Variants in CUEDC1 observed in about 807,000 individuals in gnomAD.
CUEDC1 encodes CUE domain containing 1, also known as CUE domain-containing protein 1.
CUEDC1 carries 30 observed loss-of-function variants against 43.7 expected under a neutral mutation model. That is an observed-to-expected ratio of 0.69 (90% CI 0.51 to 0.93). The LOEUF (loss-of-function observed/expected upper bound fraction) is 0.93. Ranked by LOEUF, CUEDC1 falls within the 40% of genes least tolerant of loss-of-function variation. The pLI, the probability that CUEDC1 is intolerant of heterozygous loss-of-function variation, is 0.00. For missense variants in CUEDC1, 486 were observed against 549.0 expected, an observed-to-expected ratio of 0.89 and a Z score of 1.15; for synonymous variants, 223 against 223.6, an observed-to-expected ratio of 1.00 and a Z score of 0.02.
intron 1 of CUEDC1, among the ~76,000 whole-genome samples, chr17:57,887,502 T>TG (rs1291599643): frequency 3.3e-5 from 5 of 149,446 alleles, no homozygotes; most frequent in Admixed American, 6.7e-5. Context: ...ATACAGAAAT[T>TG]TTTTTTTTTT....
At chr17:57,902,927 TCAGGATTCTACCC>T (rs1280664975) in intron 1 of CUEDC1, 2 of 152,130 alleles carry the variant, frequency 1.3e-5, no homozygotes, top group Admixed American at 6.5e-5. Flanking sequence ...AGTAACCAGG[TCAGGATTCTACCC>T]CAGAGCCCAC....
chr17:57,951,715 T>G (rs906375083), intron 1 of CUEDC1, among the ~76,000 whole-genome samples: 4 of 152,128 alleles, frequency 2.6e-5, no homozygotes, highest in Non-Finnish European at 5.9e-5. Flanking sequence ...CGCCTCAGCC[T>G]CCCAAAGTGC....
chr17:57,916,657 C>T (rs1171544710), intron 1 of CUEDC1, among the ~76,000 whole-genome samples: 1 of 151,556 alleles, frequency 6.6e-6, no homozygotes, highest in Non-Finnish European at 1.5e-5. Context: ...ACACTGGGAG[C>T]CCTTTCAGGC....
In CUEDC1 at chr17:57,954,658, G is replaced by C. The variant is rs2075038897; in HGVS notation, c.-316+567C>G. Among the ~76,000 whole-genome samples the C allele has an allele frequency of 6.6e-6, 1 of 152,076 alleles. No homozygotes were observed. Among genetic ancestry groups the C allele is most frequent in the Admixed American group, 6.5e-5 (1 of 15,278 alleles). The stretch of plus-strand genomic sequence containing the variant: ...CGGGAGATACAGCTCCCAGGGGACC[G>C]GGAGGGACCAAAAAAGGCTGAGCCG... On this transcript the variant is annotated intron_variant, in intron 1 of 10. Coordinates refer to ENST00000577830, the MANE Select transcript of CUEDC1 (RefSeq NM_001271875.2). This position sits in a 1 kb window ranked among gnomAD's most constrained non-coding sequence, Gnocchi z 4.3.
In CUEDC1 at chr17:57,930,046, A is replaced by G. The variant is rs1598016653; in HGVS notation, c.-316+25179T>C. 6.6e-6 allele frequency among the ~76,000 whole-genome samples: 1 copy of G among 152,004 alleles called. No individual in the cohort carries two copies. Among genetic ancestry groups the G allele is most frequent in the South Asian group, 2.1e-4 (1 of 4,814 alleles). On this transcript the variant is annotated intron_variant, in intron 1 of 10. Transcript: ENST00000577830. The surrounding 1 kb of genome is among the most constrained non-coding windows in gnomAD (Gnocchi z 4.2). ...TCGAACTCCTGCCCTCAGGTGATCCACCCGCCTCGGCCTCCCAAAGTGCTG... is the reference window on the plus strand; with the variant it reads ...TCGAACTCCTGCCCTCAGGTGATCCGCCCGCCTCGGCCTCCCAAAGTGCTG...
intron 1 of CUEDC1, among the ~76,000 whole-genome samples, chr17:57,925,961 G>C (rs2074743298): frequency 1.3e-5 from 2 of 152,192 alleles, no homozygotes; most frequent in Non-Finnish European, 2.9e-5. Context: ...GGGGCTGCAG[G>C]CCTGATGGCT....
chr17:57,863,191 T>TGAAG lies in CUEDC1; in HGVS notation c.*97_*98insCTTC, dbSNP rs1279324342. Reference sequence around the variant, plus strand: ...CCTCGGTTCTCAAGCACCATCTGTCTGGCTGCAGCTGGGCCCTTCAGCTGG... The same window carrying TGAAG: ...CCTCGGTTCTCAAGCACCATCTGTCTGAAGGGCTGCAGCTGGGCCCTTCAGCTGG... On this transcript the variant is annotated 3_prime_UTR_variant, in exon 11 of 11. Coordinates refer to ENST00000577830, the MANE Select transcript of CUEDC1 (RefSeq NM_001271875.2). 6.5e-6 allele frequency: 1 copy of TGAAG among 152,692 alleles called. No individual in the cohort carries two copies. The highest frequency in any genetic ancestry group is 6.5e-5 in the Admixed American group (1 of 15,278). 9.5% of individuals were successfully genotyped at this position (152,692 alleles called of 1,614,324 possible).
At chr17:57,881,847 C>T (rs2074209544) in intron 2 of CUEDC1, among the ~76,000 whole-genome samples, 1 of 152,186 alleles carries the variant, frequency 6.6e-6, no homozygotes, top group Non-Finnish European at 1.5e-5. Context: ...TCATCAGAGC[C>T]TCCTGGAGAG....
chr17:57,939,087 C>T (rs1054837047), intron 1 of CUEDC1, among the ~76,000 whole-genome samples: 7 of 151,612 alleles, frequency 4.6e-5, no homozygotes, highest in Admixed American at 3.3e-4. Flanking sequence ...CCTGCCTCAG[C>T]CTCCAGAGTA....
chr17:57,868,890 T>C (rs2073998120), intron 7 of CUEDC1, among the ~76,000 whole-genome samples: 1 of 152,210 alleles, frequency 6.6e-6, no homozygotes, highest in Non-Finnish European at 1.5e-5. Context: ...TGGCACGTTA[T>C]TTTTCTGCAG....
Position 57,862,763 on chromosome 17 carries a change from A to C in CUEDC1, c.*526T>G, listed in dbSNP as rs944193988. 2 of 152,734 alleles carry C rather than the reference A, an allele frequency of 1.3e-5. No individual in the cohort carries two copies. Among genetic ancestry groups the C allele is most frequent in the Non-Finnish European group, 2.9e-5 (2 of 68,468 alleles). The allele number at this position is 152,734 out of a possible 1,614,324, so 9.5% of individuals were successfully genotyped here. A position where few individuals can be genotyped will look rare whatever the true frequency, so the allele number is the denominator to read the frequency against. On this transcript the variant is annotated 3_prime_UTR_variant, in exon 11 of 11. Coordinates refer to ENST00000577830, the MANE Select transcript of CUEDC1 (RefSeq NM_001271875.2). Reference sequence around the variant, plus strand: ...GGGGAAGGCTGAGATACAGGAGGACATGGAAGGGAAGGGCACAAGTGCCCG... The same window carrying C: ...GGGGAAGGCTGAGATACAGGAGGACCTGGAAGGGAAGGGCACAAGTGCCCG...
At chr17:57,880,136 T>C (rs1202694514) in intron 2 of CUEDC1, among the ~76,000 whole-genome samples, 1 of 152,186 alleles carries the variant, frequency 6.6e-6, no homozygotes, top group African/African-American at 2.4e-5. Context: ...ATGATGGTTA[T>C]TGAGCTGGTG....
At chr17:57,925,252 G>C (rs76726562) in intron 1 of CUEDC1, among the ~76,000 whole-genome samples, 1 of 152,046 alleles carries the variant, frequency 6.6e-6, no homozygotes, top group East Asian at 1.9e-4. Context: ...AAACTACCCA[G>C]GGGGCAAGGG....
chr17:57,903,413 G>A (rs1597997755), intron 1 of CUEDC1: 1 of 152,406 alleles, frequency 6.6e-6, no homozygotes, highest in Non-Finnish European at 1.5e-5. Flanking sequence ...ATGCAGGGCT[G>A]AGCTTGAGTC....
chr17:57,894,276 G>A (rs570511698), intron 1 of CUEDC1, among the ~76,000 whole-genome samples: 5 of 152,358 alleles, frequency 3.3e-5, no homozygotes, highest in African/African-American at 9.6e-5. Context: ...TCCATGAGCT[G>A]TGCAGGCTGG....
chr17:57,950,163 G>A lies in CUEDC1; in HGVS notation c.-316+5062C>T, dbSNP rs560712669. Among the ~76,000 whole-genome samples, 18 of 151,912 alleles carry A rather than the reference G, an allele frequency of 1.2e-4. No individual in the cohort carries two copies. In the South Asian group the frequency reaches 3.7e-3, roughly 32 times the overall value. On this transcript the variant is annotated intron_variant, in intron 1 of 10. Transcript: ENST00000577830. ...GGCCCCCACAGCTTCCACTCTTTTC[G>A]TTTTTGAGACAGAGTCTCACTCTGT...
chr17:57,944,501 C>T (rs11658198), intron 1 of CUEDC1, among the ~76,000 whole-genome samples: 20,583 of 152,230 alleles, frequency 0.14, 1,646 homozygotes, highest in Non-Finnish European at 0.18. Context: ...TGAGCCACTG[C>T]GCCTGGCCAT....
chr17:57,904,195 G>A (rs1040167705), intron 1 of CUEDC1, among the ~76,000 whole-genome samples: 49 of 152,068 alleles, frequency 3.2e-4, no homozygotes, highest in Non-Finnish European at 4.9e-4. Context: ...CCAAAAGATG[G>A]CATCTCTCCT....
In CUEDC1 at chr17:57,948,343, T is replaced by A. The variant is rs572741180; in HGVS notation, c.-316+6882A>T. 1.8e-4 allele frequency among the ~76,000 whole-genome samples: 28 copies of A among 152,104 alleles called. No individual in the cohort carries two copies. In the East Asian group the frequency reaches 5.2e-3, roughly 28 times the overall value. ...CTCTCCTCACACGGCTTGGACTCCA[T>A]CCCCGAGAGCTGTAGGTCCCTCCCA... On this transcript the variant is annotated intron_variant, in intron 1 of 10. Transcript: ENST00000577830.
Sources: gnomAD v4.1 joint callset for allele counts (sites outside exome capture counted in the v4.1 genomes callset) on GRCh38, gnomAD v4.1.1 for gene constraint, Gnocchi (gnomAD v3.1) non-coding constraint, MANE v1.5 for transcripts, NCBI Gene and HGNC (gene_info 2026-07-23, HGNC 2026-07-21) for gene names.